The following CDK14 variants were observed in gnomAD, a reference collection of about 807,000 sequenced individuals.
CDK14 encodes the protein cyclin dependent kinase 14.
In CDK14, 34 loss-of-function variants were observed where a neutral mutation model predicts 60.7. That is an observed-to-expected ratio of 0.56 (90% CI 0.43 to 0.75). The LOEUF is 0.75. Among genes scored for constraint, CDK14 ranks in the 30% least tolerant of loss-of-function variants. The pLI is 0.00. For missense variants in CDK14, 482 were observed against 564.1 expected (o/e 0.85, Z 1.47); for synonymous variants, 197 against 203.7 (o/e 0.97, Z 0.28).
chr7:91,121,268 C>T (rs1267269215), intron 14 of CDK14, among the ~76,000 whole-genome samples: 2 of 152,034 alleles, frequency 1.3e-5, no homozygotes, highest in East Asian at 3.9e-4. Flanking sequence ...TCAAATGTCC[C>T]AATTCTTTGT....
intron 14 of CDK14, among the ~76,000 whole-genome samples, chr7:91,176,433 A>C (rs1769368044): frequency 6.6e-6 from 1 of 152,194 alleles, no homozygotes; most frequent in Admixed American, 6.5e-5. Context: ...TTCAAAAGCT[A>C]GCAGAAGCAA....
intron 2 of CDK14, among the ~76,000 whole-genome samples, chr7:90,661,077 T>A (rs1334791903): frequency 1.3e-5 from 2 of 152,184 alleles, no homozygotes; most frequent in Non-Finnish European, 2.9e-5. Flanking sequence ...ACATTCGTCA[T>A]ATGGTTATTC....
intron 10 of CDK14, among the ~76,000 whole-genome samples, chr7:91,010,544 T>C (rs1017008432): frequency 1.3e-5 from 2 of 152,106 alleles, no homozygotes; most frequent in African/African-American, 4.8e-5. Flanking sequence ...AATTCTAATG[T>C]TTCATTACTA....
chr7:90,901,055 C>T (rs926535637), intron 7 of CDK14, among the ~76,000 whole-genome samples: 1 of 152,094 alleles, frequency 6.6e-6, no homozygotes, highest in African/African-American at 2.4e-5. Flanking sequence ...AGAAATGGGT[C>T]TCAAGGTTAC....
chr7:91,059,002 T>G (rs1017233789), intron 11 of CDK14, among the ~76,000 whole-genome samples: 1 of 152,234 alleles, frequency 6.6e-6, no homozygotes, highest in African/African-American at 2.4e-5. Context: ...CTTGTACCTC[T>G]GGTAGAATTC....
At chr7:90,783,683 A>G (rs1226421755) in intron 4 of CDK14, among the ~76,000 whole-genome samples, 1 of 152,192 alleles carries the variant, frequency 6.6e-6, no homozygotes, top group Non-Finnish European at 1.5e-5. Flanking sequence ...AAAATGCTCA[A>G]CATCATTAAA....
chr7:91,200,666 A>G (rs1167706363), intron 14 of CDK14, among the ~76,000 whole-genome samples: 3 of 152,106 alleles, frequency 2.0e-5, no homozygotes, highest in East Asian at 1.9e-4. Flanking sequence ...CTCTCCATAT[A>G]CCTTCAGAAG....
chr7:90,791,874 A>G (rs1011948670), intron 5 of CDK14, among the ~76,000 whole-genome samples: 1 of 147,738 alleles, frequency 6.8e-6, no homozygotes, highest in Non-Finnish European at 1.5e-5. Context: ...TCTCTGAGTT[A>G]GGGGGAGTTT....
At chr7:91,168,631 AT>A in intron 14 of CDK14, among the ~76,000 whole-genome samples, 1 of 152,262 alleles carries the variant, frequency 6.6e-6, no homozygotes, top group Middle Eastern at 3.4e-3. Context: ...GATGTTTTCT[AT>A]TTTACATGTA....
At chr7:90,855,448 T>C (rs1328025928) in intron 5 of CDK14, among the ~76,000 whole-genome samples, 4 of 152,220 alleles carry the variant, frequency 2.6e-5, no homozygotes, top group Admixed American at 2.6e-4. Flanking sequence ...GATATCTCCT[T>C]TTTAGTATAA....
chr7:91,158,184 TA>T (rs1801046474), intron 14 of CDK14, among the ~76,000 whole-genome samples: 2 of 148,156 alleles, frequency 1.3e-5, no homozygotes, highest in African/African-American at 4.9e-5. Context: ...TAAATATACA[TA>T]AAATATATAT....
chr7:91,057,223 G>T (rs1797601291), intron 11 of CDK14, among the ~76,000 whole-genome samples: 1 of 152,238 alleles, frequency 6.6e-6, no homozygotes, highest in South Asian at 2.1e-4. Context: ...AGAAGTGTCT[G>T]TTCATATCCT....
chr7:90,709,504 C>T (rs750639597), intron 2 of CDK14: 2 of 1,608,156 alleles, frequency 1.2e-6, no homozygotes, highest in Middle Eastern at 3.3e-4. Context: ...CAATATCTTT[C>T]TGAAAAGACA....
chr7:90,826,734 T>C (rs902883878), intron 5 of CDK14, among the ~76,000 whole-genome samples: 1 of 152,154 alleles, frequency 6.6e-6, no homozygotes, highest in African/African-American at 2.4e-5. Flanking sequence ...TAGAACTGTT[T>C]TAGGTTTATG....
At chr7:90,697,449 G>A (rs192857915) in intron 2 of CDK14, among the ~76,000 whole-genome samples, 1 of 152,182 alleles carries the variant, frequency 6.6e-6, no homozygotes, top group Non-Finnish European at 1.5e-5. Context: ...TCCTGCCTTG[G>A]CCTCCCAAAG....
At chr7:90,942,406 GA>G (rs1793962587) in intron 8 of CDK14, among the ~76,000 whole-genome samples, 1 of 152,152 alleles carries the variant, frequency 6.6e-6, no homozygotes, top group South Asian at 2.1e-4. Flanking sequence ...AATTTCACAA[GA>G]AGAAGAAATG....
At chr7:90,804,393 T>C (rs768713963) in intron 5 of CDK14, among the ~76,000 whole-genome samples, 33 of 152,228 alleles carry the variant, frequency 2.2e-4, no homozygotes, top group Admixed American at 3.3e-4. Flanking sequence ...GCACATTTAT[T>C]GGGTTAAAAT....
chr7:90,999,953 T>C (rs1281629116), intron 10 of CDK14, among the ~76,000 whole-genome samples: 1 of 152,168 alleles, frequency 6.6e-6, no homozygotes, highest in Non-Finnish European at 1.5e-5. Context: ...TAATACCAAT[T>C]TGAAAAAAGT....
chr7:91,112,059 A>T (rs10230423), intron 12 of CDK14, among the ~76,000 whole-genome samples: 2,156 of 152,326 alleles, frequency 0.014, 44 homozygotes, highest in African/African-American at 0.049. Flanking sequence ...TGTTTCAGTA[A>T]TGTTAATTCA....
Sources: gnomAD v4.1 joint callset for allele counts (sites outside exome capture counted in the v4.1 genomes callset) on GRCh38, gnomAD v4.1.1 for gene constraint, MANE v1.5 for transcripts, NCBI Gene and HGNC (gene_info 2026-07-23, HGNC 2026-07-21) for gene names.